The following PDS5B variants were observed in gnomAD, a reference collection of about 807,000 sequenced individuals.
PDS5B encodes the protein sister chromatid cohesion protein PDS5 homolog B.
In PDS5B, 51 loss-of-function variants were observed where a neutral mutation model predicts 184.1. The observed-to-expected ratio is 0.28, with a 90% confidence interval of 0.22 to 0.35. The LOEUF (loss-of-function observed/expected upper bound fraction) is 0.35. Among genes scored for constraint, PDS5B ranks in the 10% least tolerant of loss-of-function variants. PDS5B has a pLI of 1.00. For missense variants in PDS5B, 1,180 were observed against 1,723.3 expected (o/e 0.68, Z 5.58); for synonymous variants, 566 against 569.2 (o/e 0.99, Z 0.08).
intron 19 of PDS5B, among the ~76,000 whole-genome samples, chr13:32,716,830 T>G (rs1288789249): frequency 1.4e-5 from 1 of 69,022 alleles, no homozygotes; most frequent in African/African-American, 4.0e-5. Context: ...CCGCCCTGTC[T>G]GGGAGGGAGG....
In PDS5B at chr13:32,699,836, A is replaced by C. The variant is rs371816913; in HGVS notation, c.1707A>C (p.Pro569=). The C allele has an allele frequency of 2.2e-4, 343 of 1,575,700 alleles. 1 individual carries two copies. In the Middle Eastern group the frequency reaches 3.5e-3, roughly 16 times the overall value. The change falls in exon 16 of 35, where the codon CCA becomes CCC. Residue 569 remains proline, a synonymous_variant. Coordinates refer to ENST00000315596, the MANE Select transcript of PDS5B (RefSeq NM_015032.4). ...IRKQLEVLVS[P]TCSCKQAEGC... The stretch of plus-strand genomic sequence containing the variant: ...AGCAGTTAGAAGTACTTGTTAGTCC[A>C]ACATGCTCCTGCAAGCAGGCTGAAG...
At chr13:32,738,999 T>C (rs1002884840) in intron 21 of PDS5B, among the ~76,000 whole-genome samples, 19 of 152,188 alleles carry the variant, frequency 1.2e-4, no homozygotes, top group South Asian at 6.2e-4. Context: ...ACTTTTAATG[T>C]AGCTGTATTT....
chr13:32,730,288 C>T (rs1008695084), intron 19 of PDS5B, among the ~76,000 whole-genome samples: 3 of 152,122 alleles, frequency 2.0e-5, no homozygotes, highest in Non-Finnish European at 2.9e-5. Flanking sequence ...GGCCTCTGTT[C>T]TGTTCCATTG....
chr13:32,634,023 C>T (rs2058499193), intron 1 of PDS5B, among the ~76,000 whole-genome samples: 1 of 152,110 alleles, frequency 6.6e-6, no homozygotes, highest in Admixed American at 6.5e-5. Flanking sequence ...CTCCTGTTTT[C>T]TGTTATATCC....
At chr13:32,725,498 G>A (rs79157936) in intron 19 of PDS5B, among the ~76,000 whole-genome samples, 2 of 152,086 alleles carry the variant, frequency 1.3e-5, no homozygotes, top group Admixed American at 6.6e-5. Context: ...CCAATTCTCC[G>A]AGGGGCTCTG....
intron 3 of PDS5B, among the ~76,000 whole-genome samples, chr13:32,655,384 T>A (rs868640299): frequency 0.017 from 392 of 23,752 alleles, 9 homozygotes; most frequent in African/African-American, 0.044. Context: ...ATTTTTTTTT[T>A]TTTTTTTTTT....
At chr13:32,716,004 C>T (rs534006175) in intron 19 of PDS5B, among the ~76,000 whole-genome samples, 42 of 152,224 alleles carry the variant, frequency 2.8e-4, no homozygotes, top group South Asian at 1.5e-3. Context: ...GATCTTGGCT[C>T]GCTACAACCT....
At chr13:32,731,356 G>A (rs1310761665) in intron 19 of PDS5B, among the ~76,000 whole-genome samples, 2 of 152,048 alleles carry the variant, frequency 1.3e-5, no homozygotes, top group Non-Finnish European at 2.9e-5. Flanking sequence ...GAAATAATAC[G>A]ATGCATGAAT....
chr13:32,590,163 A>T (rs1474560839), intron 1 of PDS5B, among the ~76,000 whole-genome samples: 1 of 152,252 alleles, frequency 6.6e-6, no homozygotes, highest in East Asian at 1.9e-4. Context: ...TGGTTTAGCT[A>T]TGTAAAACAT....
At chr13:32,673,633 TC>T (rs1408365556) in intron 8 of PDS5B, among the ~76,000 whole-genome samples, 2 of 152,302 alleles carry the variant, frequency 1.3e-5, no homozygotes, top group African/African-American at 2.4e-5. Flanking sequence ...ACTTTTGAAG[TC>T]TTAGCTGTAC....
At chr13:32,763,040 A>C (rs1033335422) in intron 30 of PDS5B, among the ~76,000 whole-genome samples, 3 of 152,040 alleles carry the variant, frequency 2.0e-5, no homozygotes, top group Non-Finnish European at 4.4e-5. Flanking sequence ...TGTTTGACCA[A>C]TCTGTTTTGT....
At chr13:32,726,632 C>A (rs1386349350) in intron 19 of PDS5B, among the ~76,000 whole-genome samples, 1 of 152,200 alleles carries the variant, frequency 6.6e-6, no homozygotes, top group African/African-American at 2.4e-5. Flanking sequence ...TGGTCATCTT[C>A]CTTGTTCTGC....
At chr13:32,619,397 A>AT in intron 1 of PDS5B, among the ~76,000 whole-genome samples, 1 of 152,194 alleles carries the variant, frequency 6.6e-6, no homozygotes, top group Admixed American at 6.5e-5. Context: ...ATCATAGGCA[A>AT]TTGTAACACA....
intron 1 of PDS5B, among the ~76,000 whole-genome samples, chr13:32,604,080 C>G (rs182985145): frequency 1.3e-5 from 2 of 152,210 alleles, no homozygotes; most frequent in African/African-American, 4.8e-5. Flanking sequence ...TTTCTCTTGC[C>G]TGATTGCCCT....
chr13:32,688,858 C>A, intron 13 of PDS5B: 1 of 338,864 alleles, frequency 3.0e-6, no homozygotes, highest in Non-Finnish European at 5.5e-6. Flanking sequence ...TGTACCTATT[C>A]TTTTTTATTT....
At chr13:32,615,258 C>T (rs1213946840) in intron 1 of PDS5B, among the ~76,000 whole-genome samples, 2 of 152,088 alleles carry the variant, frequency 1.3e-5, no homozygotes, top group East Asian at 1.9e-4. Context: ...TATCTTGTTG[C>T]ATGTAGTAGA....
chr13:32,607,847 G>A (rs2058083703), intron 1 of PDS5B, among the ~76,000 whole-genome samples: 1 of 152,236 alleles, frequency 6.6e-6, no homozygotes, highest in South Asian at 2.1e-4. Flanking sequence ...CGTGGGTGTG[G>A]GACCCGCTGA....
chr13:32,759,712 A>G (rs997496902), intron 29 of PDS5B, 22 bp downstream of exon 29: 14 of 1,320,504 alleles, frequency 1.1e-5, no homozygotes, highest in Non-Finnish European at 1.5e-5. Flanking sequence ...GAATCATTTT[A>G]ATTTTTATGT....
chr13:32,653,047 A>C (rs1566287509), intron 3 of PDS5B, among the ~76,000 whole-genome samples: 1 of 152,236 alleles, frequency 6.6e-6, no homozygotes, highest in East Asian at 1.9e-4. Flanking sequence ...ACACCTGTGC[A>C]CTTTGGGAGG....
Sources: gnomAD v4.1 joint callset for allele counts (sites outside exome capture counted in the v4.1 genomes callset) on GRCh38, gnomAD v4.1.1 for gene constraint, MANE v1.5 for transcripts, NCBI Gene and HGNC (gene_info 2026-07-23, HGNC 2026-07-21) for gene names.